ADAMTS2: variants seen among roughly 807,000 people sequenced by gnomAD.
ADAMTS2 encodes A disintegrin and metalloproteinase with thrombospondin motifs 2.
In ADAMTS2, 50 loss-of-function variants were observed where a neutral mutation model predicts 123.0. The observed-to-expected ratio is 0.41, with a 90% CI of 0.32 to 0.51. The LOEUF (loss-of-function observed/expected upper bound fraction) is 0.51, where lower values mean the gene tolerates loss of function less well. Ranked by LOEUF, ADAMTS2 falls within the 20% of genes least tolerant of loss-of-function variation. ADAMTS2 has a pLI of 0.35. For missense variants in ADAMTS2, 1,494 were observed against 1,705.2 expected, an observed-to-expected ratio of 0.88 and a Z score of 2.18; for synonymous variants, 678 against 695.4, an observed-to-expected ratio of 0.98 and a Z score of 0.39.
chr5:179,212,584 G>A (rs1400304448), intron 3 of ADAMTS2, among the ~76,000 whole-genome samples: 18 of 148,060 alleles, frequency 1.2e-4, no homozygotes, highest in Non-Finnish European at 2.4e-4. Flanking sequence ...GTGGGCAGGC[G>A]TGGGCCCTGA....
At position 179,201,524 on chromosome 5, in the gene ADAMTS2, G is replaced by A. The variant is rs180886378; in HGVS notation, c.891+5989C>T. 5.8e-3 allele frequency among the ~76,000 whole-genome samples: 882 copies of A among 151,504 alleles called. 5 individuals are homozygous for A. Among genetic ancestry groups the A allele is most frequent in the African/African-American group, 0.013 (537 of 41,246 alleles). Reference sequence around the variant, plus strand: ...AAAATGTCCCGGCACGGTGGCTCACGCCTGTAATCCCAGCACTTTGGAAGG... The same window carrying A: ...AAAATGTCCCGGCACGGTGGCTCACACCTGTAATCCCAGCACTTTGGAAGG... On this transcript the variant is annotated intron_variant, in intron 4 of 21. Coordinates refer to ENST00000251582, the MANE Select transcript of ADAMTS2 (RefSeq NM_014244.5).
At chr5:179,344,268 AG>A (rs1757873429) in intron 1 of ADAMTS2, 107 bp from the exon 2 acceptor site, 1 of 1,409,962 alleles carries the variant, frequency 7.1e-7, no homozygotes, top group Non-Finnish European at 9.6e-7. Context: ...TGCGAAGGGA[AG>A]GGGCATTCCG....
At chr5:179,281,181 A>G (rs1054671231) in intron 2 of ADAMTS2, among the ~76,000 whole-genome samples, 1 of 152,244 alleles carries the variant, frequency 6.6e-6, no homozygotes, top group Non-Finnish European at 1.5e-5. Context: ...TTAATATATA[A>G]CAGCTTTATG....
At chr5:179,177,652 T>A (rs925118644) in intron 5 of ADAMTS2, among the ~76,000 whole-genome samples, 3 of 152,186 alleles carry the variant, frequency 2.0e-5, no homozygotes, top group Non-Finnish European at 2.9e-5. Flanking sequence ...GATCTCCGTG[T>A]CCCTGGCATA....
intron 2 of ADAMTS2, among the ~76,000 whole-genome samples, chr5:179,295,172 GA>G (rs1407621747): frequency 6.6e-6 from 1 of 152,226 alleles, no homozygotes; most frequent in African/African-American, 2.4e-5. Flanking sequence ...ACCTGGCTTT[GA>G]AAAGACACAG....
In ADAMTS2 at chr5:179,113,894, C is replaced by T. The variant is rs745724759; in HGVS notation, c.3609G>A (p.Arg1203=). Reference sequence around the variant, plus strand: ...AGAACTTTCCGAGCATCTCTTTCTTCCGCATCTCATCAATGAGCTCTTGGA... The same window carrying T: ...AGAACTTTCCGAGCATCTCTTTCTTTCGCATCTCATCAATGAGCTCTTGGA... ...QRIQELIDEM[R]KKEMLGKF is the part of the protein sequence containing the mutation. Residue 1203 remains arginine, a synonymous_variant, in exon 22 of 22, where the codon CGG becomes CGA. Coordinates refer to ENST00000251582, the MANE Select transcript of ADAMTS2 (RefSeq NM_014244.5). The T allele has an allele frequency of 6.2e-7, 1 of 1,614,086 alleles. No homozygotes were observed. Among genetic ancestry groups the T allele is most frequent in the Middle Eastern group, 1.6e-4 (1 of 6,084 alleles).
intron 2 of ADAMTS2, among the ~76,000 whole-genome samples, chr5:179,289,201 C>T (rs546368327): frequency 3.3e-5 from 5 of 152,210 alleles, no homozygotes; most frequent in African/African-American, 4.8e-5. Context: ...CCAAGCACAG[C>T]GGAACGATGG....
rs541372816 is a variant in ADAMTS2, at chr5:179,301,047, G to A, written c.535-27983C>T. 3.3e-5 allele frequency among the ~76,000 whole-genome samples: 5 copies of A among 152,116 alleles called. No individual in the cohort carries two copies. The East Asian group carries it at 9.7e-4, about 29-fold the overall frequency. ...CCCCCTCCTGGCCTCAGTGAAGCCT[G>A]GACTCCTCACTCTGTCCAAGTGGGA... On this transcript the variant is annotated intron_variant, in intron 2 of 21. Transcript: ENST00000251582.
At chr5:179,214,177 A>G (rs1169450839) in intron 3 of ADAMTS2, among the ~76,000 whole-genome samples, 6 of 107,078 alleles carry the variant, frequency 5.6e-5, no homozygotes, top group African/African-American at 9.9e-5. Flanking sequence ...ACAACTCAAA[A>G]ATCGTGCTCA....
intron 5 of ADAMTS2, among the ~76,000 whole-genome samples, chr5:179,159,906 C>A (rs954840684): frequency 6.6e-6 from 1 of 152,126 alleles, no homozygotes; most frequent in African/African-American, 2.4e-5. Flanking sequence ...TGAGCGGCAC[C>A]CTTCCTTTTT....
rs570183256 is a variant in ADAMTS2 at position 179,317,719 on chromosome 5, G to A, written c.534+26048C>T. Among the ~76,000 whole-genome samples the A allele has an allele frequency of 2.0e-5, 3 of 152,316 alleles. No individual in the cohort carries two copies. Among genetic ancestry groups the A allele is most frequent in the African/African-American group, 7.2e-5 (3 of 41,576 alleles). ...TCGCATACATCACCCACACACACAC[G>A]TGTACATTTCAGCACGCGTCTAGGG... On this transcript the variant is annotated intron_variant, in intron 2 of 21. Coordinates refer to ENST00000251582, the MANE Select transcript of ADAMTS2 (RefSeq NM_014244.5). This position sits in a 1 kb window ranked among gnomAD's most constrained non-coding sequence, Gnocchi z 4.9.
At chr5:179,150,471 A>C (rs886119444) in intron 10 of ADAMTS2, among the ~76,000 whole-genome samples, 1 of 152,192 alleles carries the variant, frequency 6.6e-6, no homozygotes, top group Non-Finnish European at 1.5e-5. Context: ...CTTATACACA[A>C]ATGTTCACAG....
chr5:179,263,380 T>C (rs960887204), intron 3 of ADAMTS2, among the ~76,000 whole-genome samples: 11 of 151,928 alleles, frequency 7.2e-5, no homozygotes, highest in Non-Finnish European at 1.3e-4. Flanking sequence ...AGCAGCATTA[T>C]TCCCCCATGA....
At chr5:179,207,433 C>A (rs946884888) in intron 4 of ADAMTS2, 80 bp downstream of exon 4, 1 of 1,479,032 alleles carries the variant, frequency 6.8e-7, no homozygotes, top group African/African-American at 1.4e-5. Context: ...GGGGACCTGG[C>A]CCAGCTGGGC....
chr5:179,137,747 G>T (rs1763090594), intron 12 of ADAMTS2, 22 bp downstream of exon 12: 2 of 1,544,910 alleles, frequency 1.3e-6, no homozygotes, highest in Admixed American at 3.9e-5. Flanking sequence ...AGCCCCCACT[G>T]ATGCCTCCCA....
rs944566790 is a variant in ADAMTS2, at chr5:179,228,769, G to A, written c.689-21054C>T. ...AAGGCTCCTGTGGGGCTCCAGACCC[G>A]GGGCGGTGCCTTCACCACGGCCTCC... On this transcript the variant is annotated intron_variant, in intron 3 of 21. Coordinates refer to ENST00000251582, the MANE Select transcript of ADAMTS2 (RefSeq NM_014244.5). This position sits in a 1 kb window ranked among gnomAD's most constrained non-coding sequence, Gnocchi z 5.2. Among the ~76,000 whole-genome samples the A allele has an allele frequency of 9.2e-5, 14 of 152,206 alleles. No individual in the cohort carries two copies. The highest frequency in any genetic ancestry group is 1.9e-4 in the Non-Finnish European group (13 of 68,012).
At chr5:179,257,757 G>A (rs1374824714) in intron 3 of ADAMTS2, among the ~76,000 whole-genome samples, 1 of 152,190 alleles carries the variant, frequency 6.6e-6, no homozygotes, top group Admixed American at 6.5e-5. Context: ...AAGAAGCTCG[G>A]TCCTGAGCGC....
At position 179,314,150 on chromosome 5, in the gene ADAMTS2, C is replaced by G. The variant is rs559672701; in HGVS notation, c.534+29617G>C. Among the ~76,000 whole-genome samples the G allele has an allele frequency of 3.3e-5, 5 of 152,254 alleles. No individual in the cohort carries two copies. Among genetic ancestry groups the G allele is most frequent in the African/African-American group, 1.2e-4 (5 of 41,460 alleles). On this transcript the variant is annotated intron_variant, in intron 2 of 21. Coordinates refer to ENST00000251582, the MANE Select transcript of ADAMTS2 (RefSeq NM_014244.5). The surrounding 1 kb of genome is among the most constrained non-coding windows in gnomAD (Gnocchi z 4.5). ...ATCCACACGGAGGCTTCGGATTGGG[C>G]GCAGCCTGGGAGCACACAGACCGGC...
rs145935427 is a variant in ADAMTS2, at chr5:179,208,404, G to A, written c.689-689C>T. On this transcript the variant is annotated intron_variant, in intron 3 of 21. Transcript: ENST00000251582. ...GCCCCCTCCCCAGGTGAACGGTACC[G>A]CCTCTGGCCTGATTGAATTGTGCAG... Among the ~76,000 whole-genome samples, 1,094 of 152,146 alleles carry A rather than the reference G, an allele frequency of 7.2e-3. 10 individuals are homozygous for A. Among genetic ancestry groups the A allele is most frequent in the African/African-American group, 0.02 (833 of 41,514 alleles).
Sources: gnomAD v4.1 joint callset for allele counts (sites outside exome capture counted in the v4.1 genomes callset) on GRCh38, gnomAD v4.1.1 for gene constraint, Gnocchi (gnomAD v3.1) non-coding constraint, MANE v1.5 for transcripts, NCBI Gene and HGNC (gene_info 2026-07-23, HGNC 2026-07-21) for gene names.